Variants in CAMK1D observed in about 807,000 individuals in gnomAD.
CAMK1D encodes the protein calcium/calmodulin-dependent protein kinase type 1D.
In CAMK1D, 9 loss-of-function variants were observed where a neutral mutation model predicts 47.7. That is an observed-to-expected ratio of 0.19 (90% CI 0.11 to 0.33). The LOEUF (loss-of-function observed/expected upper bound fraction) is 0.33. Ranked by LOEUF, CAMK1D falls within the 10% of genes least tolerant of loss-of-function variation. CAMK1D has a pLI of 1.00. For missense variants in CAMK1D, 291 were observed against 488.7 expected (o/e 0.60, Z 3.81); for synonymous variants, 184 against 184.9 (o/e 0.99, Z 0.04).
intron 2 of CAMK1D, among the ~76,000 whole-genome samples, chr10:12,606,248 C>T: frequency 6.6e-6 from 1 of 152,208 alleles, no homozygotes; most frequent in East Asian, 1.9e-4. Flanking sequence ...TGCTCTGCCC[C>T]ATGGGCCCCT....
chr10:12,586,496 A>G (rs2132350126), intron 2 of CAMK1D, among the ~76,000 whole-genome samples: 1 of 151,662 alleles, frequency 6.6e-6, no homozygotes. Context: ...AGATAGATGC[A>G]TACACGAAAA....
At chr10:12,793,483 AG>A (rs1298974867) in intron 6 of CAMK1D, among the ~76,000 whole-genome samples, 1 of 152,258 alleles carries the variant, frequency 6.6e-6, no homozygotes, top group African/African-American at 2.4e-5. Context: ...ATGATGTCTT[AG>A]TCAGATCAGG....
chr10:12,396,755 C>CT (rs1334177580), intron 1 of CAMK1D, among the ~76,000 whole-genome samples: 1 of 152,186 alleles, frequency 6.6e-6, no homozygotes, highest in East Asian at 1.9e-4. Context: ...GCTGGTTCAG[C>CT]TTAGCACTTC....
At chr10:12,812,392 G>C (rs1832641986) in intron 6 of CAMK1D, among the ~76,000 whole-genome samples, 1 of 152,160 alleles carries the variant, frequency 6.6e-6, no homozygotes, top group South Asian at 2.1e-4. Flanking sequence ...GAGGAGGGTG[G>C]ATCACCTGAG....
chr10:12,483,341 C>T (rs1834118926), intron 1 of CAMK1D, among the ~76,000 whole-genome samples: 1 of 151,916 alleles, frequency 6.6e-6, no homozygotes, highest in Non-Finnish European at 1.5e-5. Flanking sequence ...GCTGAGACTA[C>T]AGGTGTGCAC....
chr10:12,388,646 A>G (rs1441622535), intron 1 of CAMK1D, among the ~76,000 whole-genome samples: 12 of 152,190 alleles, frequency 7.9e-5, no homozygotes, highest in Admixed American at 7.9e-4. Context: ...AACACATCGC[A>G]CCTGACATGC....
chr10:12,566,008 A>T (rs913592566), intron 2 of CAMK1D, among the ~76,000 whole-genome samples: 1 of 152,150 alleles, frequency 6.6e-6, no homozygotes, highest in Non-Finnish European at 1.5e-5. Flanking sequence ...GAATCAGCTC[A>T]TCTGAGTTTG....
intron 1 of CAMK1D, among the ~76,000 whole-genome samples, chr10:12,389,372 A>G (rs972636764): frequency 1.3e-5 from 2 of 152,068 alleles, no homozygotes; most frequent in African/African-American, 4.8e-5. Context: ...CCATCCCGAC[A>G]CTGCTCTCCT....
intron 1 of CAMK1D, among the ~76,000 whole-genome samples, chr10:12,486,877 G>T (rs375288948): frequency 6.6e-6 from 1 of 152,198 alleles, no homozygotes; most frequent in Non-Finnish European, 1.5e-5. Flanking sequence ...GTTTGAGGCT[G>T]CAGTGAGCCA....
chr10:12,402,159 C>T (rs540586825), intron 1 of CAMK1D, among the ~76,000 whole-genome samples: 1 of 152,100 alleles, frequency 6.6e-6, no homozygotes, highest in African/African-American at 2.4e-5. Flanking sequence ...CCAGGCTGGT[C>T]TCGAACTCCT....
At chr10:12,703,229 C>T (rs1564505515) in intron 3 of CAMK1D, among the ~76,000 whole-genome samples, 1 of 152,154 alleles carries the variant, frequency 6.6e-6, no homozygotes, top group Non-Finnish European at 1.5e-5. Flanking sequence ...TTGGTCAATA[C>T]CATAACCTCA....
At chr10:12,535,041 A>G (rs1835925714) in intron 1 of CAMK1D, among the ~76,000 whole-genome samples, 1 of 152,198 alleles carries the variant, frequency 6.6e-6, no homozygotes, top group East Asian at 1.9e-4. Context: ...CGCTGGCCAC[A>G]TTGCTGCCCT....
At chr10:12,429,044 A>G (rs952969584) in intron 1 of CAMK1D, among the ~76,000 whole-genome samples, 6 of 152,240 alleles carry the variant, frequency 3.9e-5, no homozygotes, top group African/African-American at 1.4e-4. Flanking sequence ...CGAATGCAGG[A>G]TGACACTCAC....
At chr10:12,691,392 TATATATATATAAATATATATA>T (rs1832902199) in intron 3 of CAMK1D, among the ~76,000 whole-genome samples, 2 of 7,100 alleles carry the variant, frequency 2.8e-4, no homozygotes, top group Non-Finnish European at 5.5e-4. Flanking sequence ...TATATATATA[TATATATATATAAATATATATA>T]TATATATATT....
intron 7 of CAMK1D, 47 bp downstream of exon 7, chr10:12,814,354 T>A: frequency 8.1e-7 from 1 of 1,238,388 alleles, no homozygotes; most frequent in Non-Finnish European, 1.2e-6. Context: ...CCGCGACACT[T>A]ACACCCAGAC....
At chr10:12,802,188 A>G (rs951850160) in intron 6 of CAMK1D, among the ~76,000 whole-genome samples, 2 of 152,178 alleles carry the variant, frequency 1.3e-5, no homozygotes, top group South Asian at 2.1e-4. Flanking sequence ...ATTCACTTAT[A>G]TCTATTAACT....
intron 3 of CAMK1D, among the ~76,000 whole-genome samples, chr10:12,686,468 C>T (rs1373474085): frequency 7.9e-5 from 12 of 151,882 alleles, no homozygotes; most frequent in African/African-American, 2.2e-4. Context: ...ATTACAGGCA[C>T]GCACCACCAC....
At chr10:12,451,960 A>G (rs529148627) in intron 1 of CAMK1D, among the ~76,000 whole-genome samples, 7 of 152,194 alleles carry the variant, frequency 4.6e-5, no homozygotes, top group Admixed American at 1.3e-4. Context: ...GAAGCAGCAC[A>G]TGTGCTGGGG....
rs1398742684 is a variant in CAMK1D, at chr10:12,387,392, ATATATTTT to A, written c.92+37488_92+37495del. Among the ~76,000 whole-genome samples the A allele has an allele frequency of 8.7e-3, 380 of 43,542 alleles. 4 individuals are homozygous for A. Among genetic ancestry groups the A allele is most frequent in the African/African-American group, 0.017 (330 of 19,366 alleles). The allele number at this position is 43,542 out of a possible 152,430, so 28.6% of individuals were successfully genotyped here. ...ATATATATTATATATTATATATATT[ATATATTTT>A]TATATATTATATATATTTTATATAT... On this transcript the variant is annotated intron_variant, in intron 1 of 10. Coordinates refer to ENST00000619168, the MANE Select transcript of CAMK1D (RefSeq NM_153498.4).
Sources: allele counts gnomAD v4.1 joint callset (sites outside exome capture counted in the v4.1 genomes callset), GRCh38; gene constraint gnomAD v4.1.1; transcripts MANE v1.5; gene names NCBI Gene and HGNC (gene_info 2026-07-23, HGNC 2026-07-21).